Variants in GAK observed in about 807,000 individuals in gnomAD.
GAK encodes cyclin-G-associated kinase.
A neutral mutation model predicts 143.9 loss-of-function variants in GAK; 79 were observed. The observed-to-expected ratio is 0.55, with a 90% CI of 0.46 to 0.66. The LOEUF (loss-of-function observed/expected upper bound fraction) is 0.66. Among genes scored for constraint, GAK ranks in the 30% least tolerant of loss-of-function variants. The probability of loss-of-function intolerance (pLI) is 0.00; values close to 1 mark genes in which losing one functional copy is unlikely to be tolerated. For synonymous variants in GAK, 881 were observed against 765.5 expected (o/e 1.15, Z -2.49); for missense variants, 1,693 against 1,779.7 (o/e 0.95, Z 0.88).
At chr4:911,842 A>T (rs1243164396) in intron 3 of GAK, 55 bp from the exon 4 acceptor site, 1 of 1,314,762 alleles carries the variant, frequency 7.6e-7, no homozygotes, top group Non-Finnish European at 1.1e-6. Context: ...AGTTCTGTGC[A>T]CTTCAAAATA....
chr4:918,028 G>T (rs1247395395), intron 1 of GAK, among the ~76,000 whole-genome samples: 1 of 152,078 alleles, frequency 6.6e-6, no homozygotes, highest in Non-Finnish European at 1.5e-5. Context: ...CCAAAGAAGG[G>T]TATAAATACC....
At chr4:884,652 A>C (rs1318714873) in intron 11 of GAK, among the ~76,000 whole-genome samples, 1 of 152,230 alleles carries the variant, frequency 6.6e-6, no homozygotes, top group Non-Finnish European at 1.5e-5. Context: ...GGAATCGGTA[A>C]CACAGAGATC....
chr4:858,839 G>A (rs766027046), intron 24 of GAK, among the ~76,000 whole-genome samples: 10 of 152,176 alleles, frequency 6.6e-5, no homozygotes, highest in Non-Finnish European at 1.3e-4. Context: ...ATGAGGAGAC[G>A]GGAAATGCTC....
In GAK at chr4:932,032, CG is replaced by C. The variant is rs1375316161; in HGVS notation, c.145+10del. 3 of 1,567,258 alleles carry C rather than the reference CG, an allele frequency of 1.9e-6. No individual in the cohort carries two copies. The highest frequency in any genetic ancestry group is 2.3e-5 in the South Asian group (2 of 87,746). ...CGCGGCCGCACCCGCGCTGCCGACC[CG>C]GGGCCTCACCTTCGGCCAGGACCCG... On this transcript the variant is annotated intron_variant, in intron 1 of 27. Coordinates refer to ENST00000314167, the MANE Select transcript of GAK (RefSeq NM_005255.4). The surrounding 1 kb of genome is among the most constrained non-coding windows in gnomAD (Gnocchi z 4.0).
At chr4:911,201 C>A (rs543578024) in intron 4 of GAK, among the ~76,000 whole-genome samples, 1 of 152,290 alleles carries the variant, frequency 6.6e-6, no homozygotes, top group South Asian at 2.1e-4. Context: ...TGCGGCCTCT[C>A]TTCTCCTTGC....
chr4:900,345 G>C (rs1427373505), intron 5 of GAK, among the ~76,000 whole-genome samples: 6 of 152,254 alleles, frequency 3.9e-5, no homozygotes, highest in African/African-American at 1.2e-4. Flanking sequence ...CACGGCGGAG[G>C]CCACAGGTGA....
At chr4:876,045 G>A (rs1379638739) in intron 18 of GAK, among the ~76,000 whole-genome samples, 3 of 151,868 alleles carry the variant, frequency 2.0e-5, no homozygotes, top group Non-Finnish European at 4.4e-5. Flanking sequence ...CAGGGTATGC[G>A]CTGTTGGGCA....
At chr4:883,533 C>A in intron 12 of GAK, 70 bp from the exon 13 acceptor site, 1 of 1,556,354 alleles carries the variant, frequency 6.4e-7, no homozygotes. Flanking sequence ...GCTGCGGCCT[C>A]GCTGCTCCTG....
At chr4:866,305 G>A in intron 22 of GAK, 59 bp downstream of exon 22, 1 of 1,535,456 alleles carries the variant, frequency 6.5e-7, no homozygotes, top group South Asian at 1.2e-5. Flanking sequence ...TCCCACCAGA[G>A]GCTGCGGTCC....
In GAK at chr4:867,053, G is replaced by C; in HGVS notation, c.2775C>G (p.Pro925=). 1 of 1,524,912 alleles carries C rather than the reference G, an allele frequency of 6.6e-7. No homozygotes were observed. 94.5% of individuals were successfully genotyped at this position (1,524,912 alleles called of 1,614,324 possible). Residue 925 remains proline (P), a synonymous_variant, in exon 21 of 28, where the codon CCC becomes CCG. Coordinates refer to ENST00000314167, the MANE Select transcript of GAK (RefSeq NM_005255.4). ...LGPPEAASQG[P]PEDLLSEDPL... is the part of the protein sequence containing the mutation. ...GGTCCTCGCTGAGCAGATCCTCCGG[G>C]GGCCCCTGGGAGGCGGCCTCAGGGG... is the stretch of plus-strand genomic sequence containing the variant.
rs143612464 is a variant in GAK at position 866,510 on chromosome 4, G to A, written c.2897C>T (p.Pro966Leu). ...AAADPFGPLL[P>L]SSGNNSQPCS... is the part of the protein sequence containing the mutation. ...GGGCTGGGAGTTGTTGCCTGAAGAC[G>A]GCAGAAGCGGGCCAAAGGGGTCAGC... The change falls in exon 22 of 28, where the codon CCG (proline) becomes CTG (leucine). Residue 966 changes from proline (P) to leucine (L), a missense_variant. Coordinates refer to ENST00000314167, the MANE Select transcript of GAK (RefSeq NM_005255.4). 758 of 1,613,796 alleles carry A rather than the reference G, an allele frequency of 4.7e-4. No homozygotes were observed. The highest frequency in any genetic ancestry group is 6.2e-4 in the Non-Finnish European group (732 of 1,179,910).
chr4:895,452 A>G (rs1172542551), intron 7 of GAK, among the ~76,000 whole-genome samples: 1 of 152,208 alleles, frequency 6.6e-6, no homozygotes, highest in African/African-American at 2.4e-5. Context: ...AACACAGGCA[A>G]TGACCACACA....
chr4:886,517 G>C (rs560100886), intron 11 of GAK: 43 of 152,464 alleles, frequency 2.8e-4, no homozygotes, highest in African/African-American at 9.4e-4. Flanking sequence ...ACTCCACTCT[G>C]CCTGTCCCCA....
At chr4:875,020 C>G (rs1713549178) in intron 18 of GAK, among the ~76,000 whole-genome samples, 1 of 152,210 alleles carries the variant, frequency 6.6e-6, no homozygotes, top group African/African-American at 2.4e-5. Context: ...GAATTCACAT[C>G]TGTCTCCTTT....
chr4:858,399 C>T (rs1176183985), intron 24 of GAK, among the ~76,000 whole-genome samples: 2 of 152,132 alleles, frequency 1.3e-5, no homozygotes, highest in Non-Finnish European at 2.9e-5. Flanking sequence ...GTCTGGGACA[C>T]AAACGGCGGG....
intron 1 of GAK, chr4:913,906 C>T (rs1395202420): frequency 2.5e-5 from 8 of 323,062 alleles, no homozygotes; most frequent in East Asian, 6.5e-5. Flanking sequence ...CCAGCGTGCA[C>T]GGCCCCACAC....
intron 4 of GAK, among the ~76,000 whole-genome samples, chr4:905,681 C>T (rs1720959664): frequency 6.6e-6 from 1 of 151,620 alleles, no homozygotes; most frequent in South Asian, 2.1e-4. Flanking sequence ...GGCCACATTA[C>T]AGACGCCACA....
chr4:867,541 A>G, intron 20 of GAK, 109 bp from the exon 21 acceptor site: 1 of 578,914 alleles, frequency 1.7e-6, no homozygotes, highest in South Asian at 2.5e-5. Flanking sequence ...TGGTGAACAC[A>G]CGTGGCCAGC....
At chr4:916,413 C>G (rs1723096448) in intron 1 of GAK, among the ~76,000 whole-genome samples, 1 of 152,170 alleles carries the variant, frequency 6.6e-6, no homozygotes, top group African/African-American at 2.4e-5. Flanking sequence ...CGTCACCACA[C>G]CCGGCTAATT....
Sources: gnomAD v4.1 joint callset for allele counts (sites outside exome capture counted in the v4.1 genomes callset) on GRCh38, gnomAD v4.1.1 for gene constraint, Gnocchi (gnomAD v3.1) non-coding constraint, MANE v1.5 for transcripts, NCBI Gene and HGNC (gene_info 2026-07-23, HGNC 2026-07-21) for gene names.